SH3RF1: variants seen among roughly 807,000 people sequenced by gnomAD.
SH3RF1 encodes the protein E3 ubiquitin-protein ligase SH3RF1.
SH3RF1 carries 32 observed loss-of-function variants against 74.0 expected under a neutral mutation model. The ratio of observed to expected loss-of-function variants is 0.43; its 90% CI spans 0.33 to 0.58. The LOEUF is 0.58. Ranked by LOEUF, SH3RF1 falls within the 20% of genes least tolerant of loss-of-function variation. The pLI is 0.05. For missense variants in SH3RF1, 954 were observed against 1,130.9 expected, an observed-to-expected ratio of 0.84 and a Z score of 2.24; for synonymous variants, 396 against 439.6, an observed-to-expected ratio of 0.90 and a Z score of 1.24.
chr4:169,173,626 G>T (rs983562276), intron 2 of SH3RF1, among the ~76,000 whole-genome samples: 4 of 152,148 alleles, frequency 2.6e-5, no homozygotes, highest in Non-Finnish European at 2.9e-5. Context: ...CTGGGGTCTG[G>T]AGGGTTACAC....
At chr4:169,140,990 T>C (rs542113856) in intron 4 of SH3RF1, among the ~76,000 whole-genome samples, 50 of 151,412 alleles carry the variant, frequency 3.3e-4, no homozygotes, top group Non-Finnish European at 4.4e-4. Flanking sequence ...CTTTTCTTTT[T>C]TTTTTTTTTT....
chr4:169,203,946 C>T (rs182362150), intron 2 of SH3RF1: 5 of 152,288 alleles, frequency 3.3e-5, no homozygotes, highest in South Asian at 2.1e-4. Flanking sequence ...TTTTACAAAA[C>T]GGGAATAAAC....
intron 5 of SH3RF1, among the ~76,000 whole-genome samples, chr4:169,133,173 T>C (rs1176612024): frequency 6.6e-6 from 1 of 152,118 alleles, no homozygotes; most frequent in Non-Finnish European, 1.5e-5. Flanking sequence ...CCTAATAACT[T>C]TGTGGTGCTA....
chr4:169,150,117 C>T (rs907810434), intron 4 of SH3RF1, among the ~76,000 whole-genome samples: 2 of 152,210 alleles, frequency 1.3e-5, no homozygotes, highest in Non-Finnish European at 2.9e-5. Flanking sequence ...AGAGAAATGT[C>T]TCCCATGATT....
intron 10 of SH3RF1, 36 bp downstream of exon 10, chr4:169,116,233 G>A (rs775859538): frequency 1.3e-6 from 2 of 1,552,028 alleles, no homozygotes; most frequent in African/African-American, 2.7e-5. Flanking sequence ...AGGGAAGTAA[G>A]TAAAGCAGAG....
At chr4:169,127,290 A>G (rs1249620495) in intron 6 of SH3RF1, among the ~76,000 whole-genome samples, 1 of 152,248 alleles carries the variant, frequency 6.6e-6, no homozygotes, top group Non-Finnish European at 1.5e-5. Context: ...AGCATTGGAA[A>G]TAATTTTCAT....
rs2126932120 is a variant in SH3RF1, at chr4:169,096,427, T to C, written c.*92A>G. ...CAATCCTTTGCTCATCTCCTGACCA[T>C]CTGGAAGTCCACAAATGTGCTCTTT... On this transcript the variant is annotated 3_prime_UTR_variant, in exon 12 of 12. Transcript: ENST00000284637. 1 of 1,387,106 alleles carries C rather than the reference T, an allele frequency of 7.2e-7. No homozygotes were observed. Among genetic ancestry groups the C allele is most frequent in the Non-Finnish European group, 9.9e-7 (1 of 1,014,574 alleles). 85.9% of individuals were successfully genotyped at this position (1,387,106 alleles called of 1,614,324 possible). A position where few individuals can be genotyped will look rare whatever the true frequency, so the allele number is the denominator to read the frequency against.
chr4:169,249,669 G>A (rs891284723), intron 2 of SH3RF1, among the ~76,000 whole-genome samples: 13 of 152,150 alleles, frequency 8.5e-5, no homozygotes, highest in East Asian at 5.8e-4. Context: ...CAATCCCCCC[G>A]TTGGAGACAC....
intron 2 of SH3RF1, among the ~76,000 whole-genome samples, chr4:169,193,789 C>A (rs1264669527): frequency 2.6e-5 from 4 of 152,156 alleles, no homozygotes; most frequent in Non-Finnish European, 5.9e-5. Flanking sequence ...AGTTAACACT[C>A]AGTGATGAAA....
intron 4 of SH3RF1, among the ~76,000 whole-genome samples, chr4:169,142,413 C>T (rs1047531473): frequency 3.7e-4 from 57 of 152,256 alleles, no homozygotes; most frequent in African/African-American, 1.3e-3. Flanking sequence ...GCTTTAAAAA[C>T]CTTTTCATTC....
chr4:169,207,271 A>AAAAG (rs1413347602), intron 2 of SH3RF1, among the ~76,000 whole-genome samples: 2 of 152,152 alleles, frequency 1.3e-5, no homozygotes, highest in Non-Finnish European at 2.9e-5. Flanking sequence ...TACAAAAAAT[A>AAAAG]AAAGAATTAG....
intron 2 of SH3RF1, among the ~76,000 whole-genome samples, chr4:169,185,871 C>A (rs1022149875): frequency 2.0e-5 from 3 of 152,120 alleles, no homozygotes; most frequent in South Asian, 2.1e-4. Context: ...AACTACACAG[C>A]GTAATCAAGA....
intron 10 of SH3RF1, among the ~76,000 whole-genome samples, chr4:169,112,509 G>C (rs1415422500): frequency 1.3e-5 from 2 of 152,180 alleles, no homozygotes; most frequent in African/African-American, 2.4e-5. Flanking sequence ...ACCCAAAAGG[G>C]AAGATGCTTC....
chr4:169,130,282 G>T, intron 5 of SH3RF1, 126 bp from the exon 6 acceptor site: 1 of 715,070 alleles, frequency 1.4e-6, no homozygotes, highest in Non-Finnish European at 2.2e-6. Flanking sequence ...TTTGGGGAAG[G>T]TAGAATCCCT....
intron 2 of SH3RF1, among the ~76,000 whole-genome samples, chr4:169,172,713 T>C (rs575103223): frequency 6.6e-6 from 1 of 152,034 alleles, no homozygotes; most frequent in African/African-American, 2.4e-5. Flanking sequence ...GGGGTGAGGG[T>C]GTTGCCAGAG....
At chr4:169,244,720 G>A (rs1561063203) in intron 2 of SH3RF1, among the ~76,000 whole-genome samples, 3 of 152,106 alleles carry the variant, frequency 2.0e-5, no homozygotes, top group Admixed American at 6.5e-5. Context: ...TTTAAATTGC[G>A]CATGTGTTAC....
At chr4:169,141,022 G>C (rs867048937) in intron 4 of SH3RF1, among the ~76,000 whole-genome samples, 7 of 145,814 alleles carry the variant, frequency 4.8e-5, no homozygotes, top group African/African-American at 1.5e-4. Context: ...GCTATTGATA[G>C]TGTTAGTGTA....
Position 169,107,146 on chromosome 4 carries a change from G to A in SH3RF1, c.2199C>T (p.Arg733=), listed in dbSNP as rs763019219. ...LSGASTKRKP[R]VSPPASPTLE... ...GGGTGGGCGATGCTGGAGGAGACAC[G>A]CGGGGCTTCCGTTTAGTGGAGGCGC... Residue 733 remains arginine (R), a synonymous_variant, in exon 11 of 12, where the codon CGC becomes CGT. Transcript: ENST00000284637. The A allele has an allele frequency of 2.6e-5, 41 of 1,596,440 alleles. No individual in the cohort carries two copies. The highest frequency in any genetic ancestry group is 3.2e-5 in the Non-Finnish European group (37 of 1,171,566).
intron 10 of SH3RF1, among the ~76,000 whole-genome samples, chr4:169,114,202 G>C (rs189097496): frequency 2.6e-5 from 4 of 152,236 alleles, no homozygotes; most frequent in African/African-American, 9.6e-5. Flanking sequence ...GGTTCCTTCT[G>C]GAGGCCACTG....
Sources: allele counts gnomAD v4.1 joint callset (sites outside exome capture counted in the v4.1 genomes callset), GRCh38; gene constraint gnomAD v4.1.1; transcripts MANE v1.5; gene names NCBI Gene and HGNC (gene_info 2026-07-23, HGNC 2026-07-21).